Variants in SORCS2 observed in about 807,000 individuals in gnomAD.
SORCS2 encodes the protein sortilin related VPS10 domain containing receptor 2, also known as VPS10 domain-containing receptor SorCS2.
In SORCS2, 100 loss-of-function variants were observed where a neutral mutation model predicts 141.6. The ratio of observed to expected loss-of-function variants is 0.71; its 90% CI spans 0.60 to 0.83. The LOEUF (loss-of-function observed/expected upper bound fraction) is 0.83. SORCS2 is among the 40% of genes least tolerant of loss of function. The pLI is 0.00. For synonymous variants in SORCS2, 789 were observed against 676.9 expected (o/e 1.17, Z -2.57); for missense variants, 1,646 against 1,560.2 (o/e 1.05, Z -0.93).
At chr4:7,330,726 G>T (rs181698038) in intron 1 of SORCS2, among the ~76,000 whole-genome samples, 1 of 152,156 alleles carries the variant, frequency 6.6e-6, no homozygotes, top group East Asian at 1.9e-4. Flanking sequence ...TCAGAGGCAG[G>T]ATGTCTACCT....
intron 4 of SORCS2, among the ~76,000 whole-genome samples, chr4:7,639,836 T>A (rs1481197871): frequency 6.7e-6 from 1 of 150,002 alleles, no homozygotes; most frequent in African/African-American, 2.5e-5. Context: ...TTTTAGTGTG[T>A]AAATGTGTGG....
intron 18 of SORCS2, among the ~76,000 whole-genome samples, chr4:7,719,697 C>G (rs1234446077): frequency 6.6e-6 from 1 of 152,200 alleles, no homozygotes; most frequent in African/African-American, 2.4e-5. Context: ...CAGAGTAGAC[C>G]CCGCTGCGGC....
chr4:7,479,633 G>A lies in SORCS2; in HGVS notation c.549-51897G>A, dbSNP rs780830536. 5.9e-5 allele frequency among the ~76,000 whole-genome samples: 9 copies of A among 152,290 alleles called. No individual in the cohort carries two copies. The South Asian group carries it at 8.3e-4, about 14-fold the overall frequency. ...CTTGGGCCTCTGCTGGGCTCCCCTC[G>A]TTCCTTGTTCAGGGCCTGGCAATGT... On this transcript the variant is annotated intron_variant, in intron 2 of 26. Coordinates refer to ENST00000507866, the MANE Select transcript of SORCS2 (RefSeq NM_020777.3).
intron 3 of SORCS2, among the ~76,000 whole-genome samples, chr4:7,606,053 C>G (rs1044694681): frequency 6.6e-6 from 1 of 152,150 alleles, no homozygotes; most frequent in Non-Finnish European, 1.5e-5. Context: ...GTGCTCTGGC[C>G]GGTTGCATGA....
chr4:7,560,386 G>A (rs1404535143), intron 3 of SORCS2, among the ~76,000 whole-genome samples: 1 of 152,128 alleles, frequency 6.6e-6, no homozygotes, highest in African/African-American at 2.4e-5. Flanking sequence ...GCAGGTGGTG[G>A]TAGAAAGAAA....
In SORCS2 at chr4:7,742,409, G is replaced by A. The variant is rs1025964172; in HGVS notation, c.*2145G>A. ...CTCCCCCTTAGCTCACAGTGCCTGC[G>A]GTAGCCACTCTAGGTCGTTGGCCTT... is the stretch of plus-strand genomic sequence containing the variant. On this transcript the variant is annotated 3_prime_UTR_variant, in exon 27 of 27. Transcript: ENST00000507866. The A allele has an allele frequency of 7.2e-5, 11 of 152,282 alleles. No individual in the cohort carries two copies. Among genetic ancestry groups the A allele is most frequent in the Non-Finnish European group, 1.2e-4 (8 of 68,102 alleles). 9.4% of individuals were successfully genotyped at this position (152,282 alleles called of 1,614,324 possible).
chr4:7,421,806 T>A (rs1283173119), intron 2 of SORCS2, among the ~76,000 whole-genome samples: 1 of 148,966 alleles, frequency 6.7e-6, no homozygotes, highest in East Asian at 2.1e-4. Context: ...AGGGCTCCTG[T>A]CACTGAGGCC....
intron 2 of SORCS2, among the ~76,000 whole-genome samples, chr4:7,487,428 C>T (rs1449137496): frequency 6.6e-6 from 1 of 152,222 alleles, no homozygotes. Context: ...TTCCCCCTCC[C>T]CTTGTCTGGG....
intron 2 of SORCS2, among the ~76,000 whole-genome samples, chr4:7,476,364 G>A (rs939038331): frequency 3.9e-5 from 6 of 152,156 alleles, no homozygotes; most frequent in African/African-American, 1.2e-4. Flanking sequence ...TGCAGCCCAC[G>A]TCTGACTGGG....
intron 1 of SORCS2, among the ~76,000 whole-genome samples, chr4:7,361,642 C>T (rs182890033): frequency 2.2e-4 from 34 of 152,088 alleles, no homozygotes; most frequent in African/African-American, 8.2e-4. Flanking sequence ...TGCCTGACTC[C>T]AACAGTCCAG....
chr4:7,605,168 C>T (rs1717982913), intron 3 of SORCS2, among the ~76,000 whole-genome samples: 1 of 152,166 alleles, frequency 6.6e-6, no homozygotes, highest in South Asian at 2.1e-4. Flanking sequence ...CCAACAAGGT[C>T]CAGAGTAGCT....
At chr4:7,702,646 G>T (rs191876244) in intron 12 of SORCS2, among the ~76,000 whole-genome samples, 1 of 152,174 alleles carries the variant, frequency 6.6e-6, no homozygotes, top group Admixed American at 6.5e-5. Flanking sequence ...TCTGGTGGTC[G>T]GCCATTCATT....
rs143389513 is a variant in SORCS2 at position 7,463,305 on chromosome 4, C to T, written c.548+66950C>T. 6.4e-3 allele frequency among the ~76,000 whole-genome samples: 969 copies of T among 152,230 alleles called. 16 individuals carry two copies. The highest frequency in any genetic ancestry group is 0.022 in the African/African-American group (902 of 41,530). On this transcript the variant is annotated intron_variant, in intron 2 of 26. Coordinates refer to ENST00000507866, the MANE Select transcript of SORCS2 (RefSeq NM_020777.3). ...GAAAATGGGGCTGTGGTATCAGACC[C>T]GGCTTTGAAACTGGACATAGTCCAG...
At chr4:7,413,632 C>G (rs1380857351) in intron 2 of SORCS2, among the ~76,000 whole-genome samples, 1 of 152,136 alleles carries the variant, frequency 6.6e-6, no homozygotes, top group Non-Finnish European at 1.5e-5. Context: ...AGGTAATCTG[C>G]CTGCCTCGGC....
chr4:7,635,277 C>A (rs1720167487), intron 3 of SORCS2, among the ~76,000 whole-genome samples: 1 of 152,162 alleles, frequency 6.6e-6, no homozygotes. Flanking sequence ...CGGCTCCTGA[C>A]CTCGGCTCTA....
chr4:7,566,747 G>T (rs760671717), intron 3 of SORCS2, among the ~76,000 whole-genome samples: 3 of 152,256 alleles, frequency 2.0e-5, no homozygotes, highest in Non-Finnish European at 2.9e-5. Flanking sequence ...TAGTCACATG[G>T]CCTGGCTTAC....
intron 1 of SORCS2, among the ~76,000 whole-genome samples, chr4:7,362,937 A>G (rs62635987): frequency 4.0e-4 from 18 of 45,026 alleles, no homozygotes; most frequent in Middle Eastern, 0.01. Flanking sequence ...CATCATTACT[A>G]CCAACATCAC....
At chr4:7,603,109 C>G (rs1000130720) in intron 3 of SORCS2, among the ~76,000 whole-genome samples, 4 of 151,282 alleles carry the variant, frequency 2.6e-5, no homozygotes, top group African/African-American at 7.3e-5. Context: ...GATGGCGGCA[C>G]TACAGTTCAG....
At chr4:7,460,483 C>T (rs1381837332) in intron 2 of SORCS2, among the ~76,000 whole-genome samples, 4 of 152,192 alleles carry the variant, frequency 2.6e-5, no homozygotes, top group African/African-American at 7.2e-5. Context: ...TCCAACGTAC[C>T]CCCACAGCTT....
Sources: allele counts gnomAD v4.1 joint callset (sites outside exome capture counted in the v4.1 genomes callset), GRCh38; gene constraint gnomAD v4.1.1; transcripts MANE v1.5; gene names NCBI Gene and HGNC (gene_info 2026-07-23, HGNC 2026-07-21).